ZNF225: variants seen among roughly 807,000 people sequenced by gnomAD.
The protein encoded by ZNF225 is zinc finger protein 225.
In ZNF225, 6 loss-of-function variants were observed where a neutral mutation model predicts 12.0. The observed-to-expected ratio is 0.50, with a 90% CI of 0.27 to 0.98. ZNF225 has a LOEUF of 0.98. ZNF225 is among the 50% of genes least tolerant of loss of function. ZNF225 has a pLI of 0.11. For missense variants in ZNF225, 763 were observed against 848.2 expected (o/e 0.90, Z 1.25); for synonymous variants, 271 against 283.2 (o/e 0.96, Z 0.43).
intron 1 of ZNF225, chr19:44,114,124 G>A: frequency 1.4e-6 from 1 of 691,824 alleles, no homozygotes; most frequent in Non-Finnish European, 2.4e-6. Flanking sequence ...ACCACGGTCA[G>A]AGTGTTTCAC....
chr19:44,126,493 T>C (rs1054652502), intron 4 of ZNF225, among the ~76,000 whole-genome samples: 1 of 152,156 alleles, frequency 6.6e-6, no homozygotes, highest in African/African-American at 2.4e-5. Flanking sequence ...GGTGGTTTAA[T>C]GCTTTATTTT....
At chr19:44,127,311 T>G (rs925528982) in intron 4 of ZNF225, among the ~76,000 whole-genome samples, 11 of 152,224 alleles carry the variant, frequency 7.2e-5, no homozygotes, top group African/African-American at 2.7e-4. Context: ...GACCTTCAGT[T>G]TCTCCAGTGA....
At position 44,131,903 on chromosome 19, in the gene ZNF225, G is replaced by T; in HGVS notation, c.1289G>T (p.Cys430Phe). 1.9e-6 allele frequency: 3 copies of T among 1,614,180 alleles called. No individual in the cohort carries two copies. The highest frequency in any genetic ancestry group is 2.5e-6 in the Non-Finnish European group (3 of 1,180,032). Residue 430 changes from cysteine (C) to phenylalanine (F), a missense_variant, in exon 5 of 5, where the codon TGT (cysteine) becomes TTT (phenylalanine). Transcript: ENST00000262894. ...CACAGTGGAGAAAAGCCATATAGATGTGAGGAGTGTGGGAAGGGCTACAAA... is the reference window on the plus strand; with the variant it reads ...CACAGTGGAGAAAAGCCATATAGATTTGAGGAGTGTGGGAAGGGCTACAAA... The part of the protein sequence containing the change: ...RAHSGEKPYR[C>F]EECGKGYKRR...
At chr19:44,129,121 C>G (rs1271159995) in intron 4 of ZNF225, 2 of 1,229,990 alleles carry the variant, frequency 1.6e-6, no homozygotes, top group Non-Finnish European at 2.0e-6. Context: ...TTGTTCATAT[C>G]AGTACAGACA....
rs1372462054 is a variant in ZNF225 at position 44,133,105 on chromosome 19, C to T, written c.*370C>T. The T allele has an allele frequency of 3.0e-5, 5 of 169,302 alleles. No individual in the cohort carries two copies. Among genetic ancestry groups the T allele is most frequent in the African/African-American group, 1.2e-4 (5 of 41,626 alleles). The allele number at this position is 169,302 out of a possible 1,614,324, so 10.5% of individuals were successfully genotyped here. ...AACATGTGGTATGTATCTTTCTGTG[C>T]CTGGCATATATCACTTAATATAATG... On this transcript the variant is annotated 3_prime_UTR_variant, in exon 5 of 5. Transcript: ENST00000262894.
chr19:44,114,264 G>C, intron 1 of ZNF225: 1 of 773,502 alleles, frequency 1.3e-6, no homozygotes, highest in Non-Finnish European at 2.3e-6. Context: ...CCCCAACCGA[G>C]AGTGTATAGG....
rs1406031482 is a variant in ZNF225, at chr19:44,115,731, C to CTT, written c.-68-25_-68-24dup. The stretch of plus-strand genomic sequence containing the variant: ...CATCCCTGGCCACACTTTCATGTCT[C>CTT]TTTTTCTGCCTTCCCTGGTACTTTC... On this transcript the variant is annotated intron_variant, in intron 1 of 4. Transcript: ENST00000262894. The CTT allele has an allele frequency of 3.9e-6, 5 of 1,279,024 alleles. No individual in the cohort carries two copies. The South Asian group carries it at 7.1e-5, about 18-fold the overall frequency. 79.2% of individuals were successfully genotyped at this position (1,279,024 alleles called of 1,614,324 possible).
rs1269553001 is a variant in ZNF225 at position 44,132,371 on chromosome 19, A to G, written c.1757A>G (p.His586Arg). 1.2e-6 allele frequency: 2 copies of G among 1,614,206 alleles called. No homozygotes were observed. The highest frequency in any genetic ancestry group is 2.2e-5 in the East Asian group (1 of 44,878). The change falls in exon 5 of 5, where the codon CAT becomes CGT. Residue 586 changes from histidine (H) to arginine (R), a missense_variant. His to Arg is a conservative substitution (Grantham distance 29, BLOSUM62 0). Transcript: ENST00000262894. Reference sequence around the variant, plus strand: ...AGCCGGGCCTCAAGTATTTTGAATCATAAGAGACTCCATGGTGATGAAAAG... The same window carrying G: ...AGCCGGGCCTCAAGTATTTTGAATCGTAAGAGACTCCATGGTGATGAAAAG... ...SFSRASSILN[H>R]KRLHGDEKPF...
At chr19:44,120,761 T>A (rs1244537858) in intron 4 of ZNF225, among the ~76,000 whole-genome samples, 1 of 152,202 alleles carries the variant, frequency 6.6e-6, no homozygotes, top group African/African-American at 2.4e-5. Context: ...ATAGGTGATA[T>A]TTGGTTACAT....
At position 44,131,255 on chromosome 19, in the gene ZNF225, A is replaced by T. The variant is rs781160275; in HGVS notation, c.641A>T (p.Asn214Ile). 1.1e-5 allele frequency: 18 copies of T among 1,614,114 alleles called. No homozygotes were observed. The highest frequency in any genetic ancestry group is 1.5e-5 in the Non-Finnish European group (18 of 1,180,052). Reference protein sequence around the residue: ...YNCDVCGKEFNQSSHLQIHQR... With the variant: ...YNCDVCGKEFIQSSHLQIHQR... ...TGTGATGTGTGTGGTAAGGAATTCA[A>T]TCAGAGCTCACATCTGCAAATTCAT... Residue 214 changes from asparagine to isoleucine, a missense_variant, in exon 5 of 5, where the codon AAT becomes ATT. Asn to Ile is a moderately radical substitution (Grantham distance 149). Coordinates refer to ENST00000262894, the MANE Select transcript of ZNF225 (RefSeq NM_013362.4).
rs369378370 is a variant in ZNF225 at position 44,114,473 on chromosome 19, A to AT, written c.-69+910dup. 6.9e-3 allele frequency among the ~76,000 whole-genome samples: 1,044 copies of AT among 152,104 alleles called. 10 individuals are homozygous for AT. Among genetic ancestry groups the AT allele is most frequent in the African/African-American group, 0.024 (981 of 41,458 alleles). On this transcript the variant is annotated intron_variant, in intron 1 of 4. Coordinates refer to ENST00000262894, the MANE Select transcript of ZNF225 (RefSeq NM_013362.4). Reference sequence around the variant, plus strand: ...TTTCACGTTTAACTTCAAAATATGCATTTTTTGCTGGAATACCACAGAAGT... The same window carrying AT: ...TTTCACGTTTAACTTCAAAATATGCATTTTTTTGCTGGAATACCACAGAAGT...
intron 4 of ZNF225, among the ~76,000 whole-genome samples, chr19:44,119,106 G>A (rs118126666): frequency 0.068 from 10,372 of 152,130 alleles, 477 homozygotes; most frequent in East Asian, 0.18. Flanking sequence ...GTGAGCCACC[G>A]CGCCCGGCTG....
chr19:44,129,925 A>C (rs907284670), intron 4 of ZNF225: 1 of 152,224 alleles, frequency 6.6e-6, no homozygotes, highest in African/African-American at 2.4e-5. Context: ...AAATATACAA[A>C]GTTTTGACGA....
rs1777395345 is a variant in ZNF225 at position 44,131,517 on chromosome 19, A to T, written c.903A>T (p.Ala301=). 1 of 1,614,220 alleles carries T rather than the reference A, an allele frequency of 6.2e-7. No homozygotes were observed. The highest frequency in any genetic ancestry group is 8.5e-7 in the Non-Finnish European group (1 of 1,180,018). The change falls in exon 5 of 5, where the codon GCA becomes GCT. Residue 301 remains alanine, a synonymous_variant. Transcript: ENST00000262894. ...DICCKSFRSR[A]NLNRHSMVHM... Reference sequence around the variant, plus strand: ...GTTGTAAGAGCTTCCGTAGTAGAGCAAATCTTAATAGGCATTCCATGGTTC... The same window carrying T: ...GTTGTAAGAGCTTCCGTAGTAGAGCTAATCTTAATAGGCATTCCATGGTTC...
In ZNF225 at chr19:44,131,028, A is replaced by G. The variant is rs564877867; in HGVS notation, c.414A>G (p.Leu138=). 3.1e-6 allele frequency: 5 copies of G among 1,614,068 alleles called. No homozygotes were observed. The African/African-American group carries it at 5.3e-5, about 17-fold the overall frequency. ...TGCCCTGCCAGGTTGATGCAGGACT[A>G]TCTATAATTCACGTAAGACAGAAAC... ...DDMPCQVDAG[L]SIIHVRQKPS... is the part of the protein sequence containing the mutation. The change falls in exon 5 of 5, where the codon CTA becomes CTG. Residue 138 remains leucine (L), a synonymous_variant. Coordinates refer to ENST00000262894, the MANE Select transcript of ZNF225 (RefSeq NM_013362.4).
Position 44,132,096 on chromosome 19 carries a change from T to G in ZNF225, c.1482T>G (p.Thr494=), listed in dbSNP as rs1281491738. ...GTGAAGAATGTGGGAAAAGATTTAC[T>G]CAGAATTCACAACTTTATACCCATC... ...FKCEECGKRF[T]QNSQLYTHRR... Residue 494 remains threonine (T), a synonymous_variant, in exon 5 of 5, where the codon ACT becomes ACG. Coordinates refer to ENST00000262894, the MANE Select transcript of ZNF225 (RefSeq NM_013362.4). 1.9e-6 allele frequency: 3 copies of G among 1,613,322 alleles called. No individual in the cohort carries two copies. Among genetic ancestry groups the G allele is most frequent in the Non-Finnish European group, 2.5e-6 (3 of 1,179,846 alleles).
intron 2 of ZNF225, among the ~76,000 whole-genome samples, chr19:44,116,422 A>G (rs1967943418): frequency 6.6e-6 from 1 of 152,172 alleles, no homozygotes; most frequent in Non-Finnish European, 1.5e-5. Context: ...CATGACACCT[A>G]CTCAGATGCA....
At chr19:44,129,110 A>G (rs1968198246) in intron 4 of ZNF225, 4 of 1,231,314 alleles carry the variant, frequency 3.2e-6, no homozygotes, top group Non-Finnish European at 3.0e-6. Context: ...TAACCAAGTT[A>G]TTGTTCATAT....
chr19:44,128,240 T>C (rs1416320820), intron 4 of ZNF225, among the ~76,000 whole-genome samples: 1 of 152,254 alleles, frequency 6.6e-6, no homozygotes. Flanking sequence ...TCATCTTTGT[T>C]TGATAGCGTG....
Sources: allele counts gnomAD v4.1 joint callset (sites outside exome capture counted in the v4.1 genomes callset), GRCh38; gene constraint gnomAD v4.1.1; transcripts MANE v1.5; gene names NCBI Gene and HGNC (gene_info 2026-07-23, HGNC 2026-07-21).